Variants in CA5A observed in about 807,000 individuals in gnomAD.
CA5A encodes the protein carbonic anhydrase 5A, mitochondrial.
CA5A carries 28 observed loss-of-function variants against 37.1 expected under a neutral mutation model. The observed-to-expected ratio is 0.75, with a 90% CI of 0.56 to 1.03. The LOEUF (loss-of-function observed/expected upper bound fraction) is 1.03. Ranked by LOEUF, CA5A falls within the 50% of genes least tolerant of loss-of-function variation. CA5A has a pLI of 0.00. For synonymous variants in CA5A, 171 were observed against 158.4 expected, an observed-to-expected ratio of 1.08 and a Z score of -0.60; for missense variants, 444 against 399.9, an observed-to-expected ratio of 1.11 and a Z score of -0.94.
chr16:87,891,706 C>A, intron 6 of CA5A, 93 bp downstream of exon 6: 2 of 1,131,428 alleles, frequency 1.8e-6, no homozygotes, highest in South Asian at 1.9e-5. Context: ...TATATAACTC[C>A]ACAACGCTCT....
intron 2 of CA5A, among the ~76,000 whole-genome samples, chr16:87,912,521 T>C (rs115919510): frequency 0.015 from 2,338 of 152,302 alleles, 59 homozygotes; most frequent in African/African-American, 0.053. Context: ...AAGTCCCTCA[T>C]TCATCCGAAA....
intron 2 of CA5A, among the ~76,000 whole-genome samples, chr16:87,910,126 G>T (rs962397074): frequency 2.0e-5 from 3 of 152,206 alleles, no homozygotes; most frequent in African/African-American, 7.2e-5. Flanking sequence ...GGAAGCCACT[G>T]AAGCCTTCAT....
chr16:87,907,592 G>C (rs913170933), intron 2 of CA5A, among the ~76,000 whole-genome samples: 2 of 152,196 alleles, frequency 1.3e-5, no homozygotes, highest in African/African-American at 4.8e-5. Flanking sequence ...CCATTTGTAA[G>C]ACTGAGTTAA....
rs577369545 is a variant in CA5A at position 87,921,633 on chromosome 16, T to G, written c.340+5115A>C. Among the ~76,000 whole-genome samples, 18 of 152,276 alleles carry G rather than the reference T, an allele frequency of 1.2e-4. No individual in the cohort carries two copies. In the South Asian group the frequency reaches 3.7e-3, roughly 32 times the overall value. Reference sequence around the variant, plus strand: ...CACTCCTGTTTCTGGACCCCGTGAATGGGAGTCGGGGATGGGCTCGCTCCC... The same window carrying G: ...CACTCCTGTTTCTGGACCCCGTGAAGGGGAGTCGGGGATGGGCTCGCTCCC... On this transcript the variant is annotated intron_variant, in intron 2 of 6. Coordinates refer to ENST00000649794, the MANE Select transcript of CA5A (RefSeq NM_001739.2).
chr16:87,936,355 T>C lies in CA5A; in HGVS notation c.96A>G (p.Arg32=), dbSNP rs774324287. The stretch of plus-strand genomic sequence containing the variant: ...ATGCACAGGAACGCTGAGAACACCA[T>C]CGCCCTGGCCTCATCGAACGACTCC... ...PLWSRSMRPG[R]WCSQRSCAWQ... The change falls in exon 1 of 7, where the codon CGA becomes CGG. Residue 32 remains arginine (R), a synonymous_variant. Transcript: ENST00000649794. The C allele has an allele frequency of 1.9e-6, 3 of 1,614,004 alleles. No homozygotes were observed. The highest frequency in any genetic ancestry group is 1.1e-5 in the South Asian group (1 of 91,066).
Position 87,927,325 on chromosome 16 carries a change from G to A in CA5A, c.143-380C>T, listed in dbSNP as rs150725224. On this transcript the variant is annotated intron_variant, in intron 1 of 6. Transcript: ENST00000649794. ...CTGTGGGGAAGGCAGGCTGAGTGCAGTGGGGCTCTTGTCTCTCGGGAAGGG... is the reference window on the plus strand; with the variant it reads ...CTGTGGGGAAGGCAGGCTGAGTGCAATGGGGCTCTTGTCTCTCGGGAAGGG... Among the ~76,000 whole-genome samples the A allele has an allele frequency of 1.6e-3, 239 of 152,266 alleles. 2 individuals are homozygous for A. The highest frequency in any genetic ancestry group is 5.5e-3 in the African/African-American group (229 of 41,558).
At chr16:87,886,121 C>G (rs1287590280), downstream of CA5A, 1 of 151,138 alleles carries the variant, frequency 6.6e-6, no homozygotes. Flanking sequence ...ACACTCAGAC[C>G]CAACATTGAG....
At chr16:87,898,288 C>A (rs1452263785) in intron 5 of CA5A, among the ~76,000 whole-genome samples, 1 of 152,220 alleles carries the variant, frequency 6.6e-6, no homozygotes, top group Non-Finnish European at 1.5e-5. Flanking sequence ...GAGCCCGTCC[C>A]TGGGTGAGAA....
intron 1 of CA5A, among the ~76,000 whole-genome samples, chr16:87,935,063 G>C (rs1015675752): frequency 6.6e-6 from 1 of 152,262 alleles, no homozygotes; most frequent in Non-Finnish European, 1.5e-5. Context: ...CCCATCTCGA[G>C]ATAAGGACAC....
intron 5 of CA5A, chr16:87,893,129 T>C (rs912176153): frequency 6.7e-5 from 32 of 476,384 alleles, no homozygotes; most frequent in South Asian, 2.8e-4. Flanking sequence ...TTTCTTCCTT[T>C]CTTTCTTTCT....
intron 4 of CA5A, chr16:87,882,984 C>T (rs1182689877): frequency 6.6e-6 from 1 of 152,254 alleles, no homozygotes; most frequent in East Asian, 1.9e-4. Flanking sequence ...TCACTGCGAC[C>T]TCCACCTCCT....
rs1279518443 is a variant in CA5A at position 87,926,949 on chromosome 16, C to T, written c.143-4G>A. 2.6e-6 allele frequency: 4 copies of T among 1,561,522 alleles called. No homozygotes were observed. Among genetic ancestry groups the T allele is most frequent in the African/African-American group, 1.4e-5 (1 of 73,722 alleles). The stretch of plus-strand genomic sequence containing the variant: ...GGGACCGTCCAGAGTGGGTGCACTG[C>T]AGGGAGAGAGACGGAGACCCTGAGT... On this transcript the variant is annotated splice_region_variant and splice_polypyrimidine_tract_variant and intron_variant, in intron 1 of 6. Coordinates refer to ENST00000649794, the MANE Select transcript of CA5A (RefSeq NM_001739.2).
chr16:87,917,263 T>A (rs575989692), intron 2 of CA5A, among the ~76,000 whole-genome samples: 1 of 152,112 alleles, frequency 6.6e-6, no homozygotes, highest in Non-Finnish European at 1.5e-5. Context: ...ACTCAAACCA[T>A]GCTGGACCAA....
chr16:87,929,030 A>G (rs1470583003), intron 1 of CA5A, among the ~76,000 whole-genome samples: 1 of 148,674 alleles, frequency 6.7e-6, no homozygotes, highest in Non-Finnish European at 1.5e-5. Context: ...CGGCCTCCCA[A>G]AGTGCTGGGA....
chr16:87,916,123 G>A (rs374910424), intron 2 of CA5A, among the ~76,000 whole-genome samples: 32 of 147,508 alleles, frequency 2.2e-4, no homozygotes, highest in African/African-American at 7.3e-4. Flanking sequence ...AGCAGAGATC[G>A]CGCCACTGCA....
chr16:87,932,857 C>G (rs918929376), intron 1 of CA5A, among the ~76,000 whole-genome samples: 1 of 152,168 alleles, frequency 6.6e-6, no homozygotes, highest in Non-Finnish European at 1.5e-5. Context: ...AGGAGCTATC[C>G]CCTCCCCCAT....
At chr16:87,891,345 G>C (rs1195127438) in intron 6 of CA5A, among the ~76,000 whole-genome samples, 1 of 151,700 alleles carries the variant, frequency 6.6e-6, no homozygotes, top group Non-Finnish European at 1.5e-5. Context: ...ATGGGTGCCT[G>C]TAATCCCAGC....
chr16:87,915,416 T>G (rs1202693084), intron 2 of CA5A, among the ~76,000 whole-genome samples: 1 of 151,806 alleles, frequency 6.6e-6, no homozygotes, highest in African/African-American at 2.4e-5. Context: ...GAGCCTGTAG[T>G]CCCAGCTACT....
intron 5 of CA5A, among the ~76,000 whole-genome samples, chr16:87,892,544 AATAATAATAATAAATT>A (rs1422491487): frequency 1.7e-4 from 24 of 138,112 alleles, no homozygotes; most frequent in Non-Finnish European, 3.1e-4. Flanking sequence ...TAATAATAAT[AATAATAATAATAAATT>A]AATTAATAAT....
Sources: gnomAD v4.1 joint callset for allele counts (sites outside exome capture counted in the v4.1 genomes callset) on GRCh38, gnomAD v4.1.1 for gene constraint, MANE v1.5 for transcripts, NCBI Gene and HGNC (gene_info 2026-07-23, HGNC 2026-07-21) for gene names.